Variants in ITSN2 observed in about 807,000 individuals in gnomAD.
ITSN2 encodes the protein intersectin 2.
ITSN2 carries 156 observed loss-of-function variants against 243.7 expected under a neutral mutation model. That is an observed-to-expected ratio of 0.64 (90% CI 0.56 to 0.73). The LOEUF (loss-of-function observed/expected upper bound fraction) is 0.73. ITSN2 is among the 30% of genes least tolerant of loss of function. The pLI is 0.00. For synonymous variants in ITSN2, 703 were observed against 699.9 expected (o/e 1.00, Z -0.07); for missense variants, 1,801 against 1,996.1 (o/e 0.90, Z 1.86).
chr2:24,252,266 TTGA>T (rs925039836), intron 25 of ITSN2, 76 bp downstream of exon 25: 5 of 1,028,940 alleles, frequency 4.9e-6, no homozygotes, highest in Non-Finnish European at 2.9e-6. Flanking sequence ...CAAGAATGGG[TTGA>T]TTTTATTTTT....
chr2:24,248,946 G>A, intron 25 of ITSN2, 64 bp from the exon 26 acceptor site: 2 of 1,461,260 alleles, frequency 1.4e-6, no homozygotes, highest in Non-Finnish European at 1.9e-6. Flanking sequence ...AAGTATAAAG[G>A]TTAATGGGAA....
In ITSN2 at chr2:24,225,161, C is replaced by G. The variant is rs1292057455; in HGVS notation, c.3578-4095G>C. ...CCTCTCCTCCAGGGCCCCTCCCTTT[C>G]CTTCACGCTTCTATGTTCACTCTTC... On this transcript the variant is annotated intron_variant, in intron 29 of 39. Coordinates refer to ENST00000355123, the MANE Select transcript of ITSN2 (RefSeq NM_006277.3). The surrounding 1 kb of genome is among the most constrained non-coding windows in gnomAD (Gnocchi z 4.2). Among the ~76,000 whole-genome samples, 4 of 152,164 alleles carry G rather than the reference C, an allele frequency of 2.6e-5. No individual in the cohort carries two copies. In the East Asian group the frequency reaches 7.7e-4, roughly 29 times the overall value.
At chr2:24,330,455 G>T in intron 1 of ITSN2, 1 of 647,578 alleles carries the variant, frequency 1.5e-6, no homozygotes, top group South Asian at 1.4e-5. Flanking sequence ...CCAAGGTGAA[G>T]AACGAACCAC....
At chr2:24,295,309 CGTTTT>C (rs573964982) in intron 14 of ITSN2, among the ~76,000 whole-genome samples, 4 of 152,100 alleles carry the variant, frequency 2.6e-5, no homozygotes, top group East Asian at 1.9e-4. Context: ...AGAACTGTTT[CGTTTT>C]GTTTTGTTTT....
At position 24,206,080 on chromosome 2, in the gene ITSN2, A is replaced by G. The variant is rs540606225; in HGVS notation, c.4679-783T>C. ...GGACGATGCACAGCAACATATGCAG[A>G]TGCTGATGGGAAGCAAAACTCAGGC... On this transcript the variant is annotated intron_variant, in intron 37 of 39. Transcript: ENST00000355123. Among the ~76,000 whole-genome samples, 8 of 152,336 alleles carry G rather than the reference A, an allele frequency of 5.3e-5. No homozygotes were observed. The South Asian group carries it at 1.7e-3, about 32-fold the overall frequency.
intron 23 of ITSN2, 130 bp downstream of exon 23, chr2:24,257,758 G>A (rs943746939): frequency 2.6e-6 from 2 of 776,498 alleles, no homozygotes; most frequent in Non-Finnish European, 4.2e-6. Flanking sequence ...CGGCCGGCCA[G>A]AATTACCTTT....
In ITSN2 at chr2:24,220,931, A is replaced by G; in HGVS notation, c.3699+14T>C. ...GCAGATACCCCGAGAGCTAGCCAGC[A>G]GCAGCCTCCTCACCTCGACGACGAG... On this transcript the variant is annotated intron_variant, in intron 30 of 39. Coordinates refer to ENST00000355123, the MANE Select transcript of ITSN2 (RefSeq NM_006277.3). 2 of 1,588,628 alleles carry G rather than the reference A, an allele frequency of 1.3e-6. No homozygotes were observed. The highest frequency in any genetic ancestry group is 2.3e-5 in the East Asian group (1 of 43,134).
At chr2:24,319,301 G>A (rs943325296) in intron 2 of ITSN2, among the ~76,000 whole-genome samples, 4 of 152,156 alleles carry the variant, frequency 2.6e-5, no homozygotes, top group East Asian at 1.9e-4. Flanking sequence ...AGGAAGAAAC[G>A]CCTTAGACCC....
At chr2:24,355,979 G>T (rs1039161809) in intron 1 of ITSN2, among the ~76,000 whole-genome samples, 1 of 152,128 alleles carries the variant, frequency 6.6e-6, no homozygotes, top group Non-Finnish European at 1.5e-5. Flanking sequence ...GAGGCGGGTG[G>T]ATCACCTGAG....
At position 24,251,019 on chromosome 2, in the gene ITSN2, G is replaced by A. The variant is rs186075340; in HGVS notation, c.3120+1326C>T. 7.3e-3 allele frequency among the ~76,000 whole-genome samples: 1,101 copies of A among 151,352 alleles called. 6 individuals carry two copies. The highest frequency in any genetic ancestry group is 0.026 in the African/African-American group (1,057 of 41,272). ...AGCCTGGCCAATATGGTGAAACCCC[G>A]TCTCTACTGAAAATACAAAAATTAG... On this transcript the variant is annotated intron_variant, in intron 25 of 39. Coordinates refer to ENST00000355123, the MANE Select transcript of ITSN2 (RefSeq NM_006277.3).
intron 20 of ITSN2, among the ~76,000 whole-genome samples, chr2:24,268,372 C>A (rs920841380): frequency 1.3e-5 from 2 of 152,174 alleles, no homozygotes; most frequent in African/African-American, 2.4e-5. Flanking sequence ...TTTCTTCCTG[C>A]CCTCTAATGA....
rs74559291 is a variant in ITSN2 at position 24,246,573 on chromosome 2, T to C, written c.3385+224A>G. Among the ~76,000 whole-genome samples, 1,118 of 152,298 alleles carry C rather than the reference T, an allele frequency of 7.3e-3. 8 individuals carry two copies. The highest frequency in any genetic ancestry group is 0.026 in the African/African-American group (1,076 of 41,570). ...AGTATGATGGTGTAACAATTTCACA[T>C]TGAAAGATTTCAAAGAGTCGAAGTG... On this transcript the variant is annotated intron_variant, in intron 28 of 39. Transcript: ENST00000355123.
intron 37 of ITSN2, 91 bp downstream of exon 37, chr2:24,208,146 G>A (rs771838822): frequency 2.9e-4 from 320 of 1,113,774 alleles, no homozygotes; most frequent in Non-Finnish European, 3.8e-4. Flanking sequence ...TTTCAGACCC[G>A]TCCCTATATC....
In ITSN2 at chr2:24,328,072, T is replaced by C. The variant is rs1211442144; in HGVS notation, c.11A>G (p.Gln4Arg). ...CTTACCATTCATAGCTGTGGGAAAC[T>C]GAGCCATCATGGTCCTGAGTTTTCC... The part of the protein sequence containing the change: MMA[Q>R]FPTAMNGGPN... Residue 4 changes from glutamine to arginine, a missense_variant, in exon 2 of 40, where the codon CAG becomes CGG. Physicochemically the swap from Gln to Arg is conservative, Grantham distance 43 (BLOSUM62 1). Transcript: ENST00000355123. 1 of 1,613,844 alleles carries C rather than the reference T, an allele frequency of 6.2e-7. No individual in the cohort carries two copies. The highest frequency in any genetic ancestry group is 1.1e-5 in the South Asian group (1 of 91,040).
chr2:24,224,624 A>G (rs570914103), intron 29 of ITSN2, among the ~76,000 whole-genome samples: 1 of 143,948 alleles, frequency 6.9e-6, no homozygotes, highest in Admixed American at 7.5e-5. Context: ...TTTCATCATG[A>G]CGGCTCTTCA....
intron 36 of ITSN2, among the ~76,000 whole-genome samples, chr2:24,208,623 G>C (rs992621463): frequency 2.0e-5 from 3 of 152,198 alleles, no homozygotes; most frequent in Non-Finnish European, 4.4e-5. Flanking sequence ...ACACAGAGGA[G>C]CAGCAGCACC....
chr2:24,348,882 T>A (rs1355830344), intron 1 of ITSN2, among the ~76,000 whole-genome samples: 1 of 152,218 alleles, frequency 6.6e-6, no homozygotes, highest in Admixed American at 6.5e-5. Flanking sequence ...ATACTTCAAT[T>A]ACTACAAATA....
chr2:24,223,876 A>AAAG (rs1553344580), intron 29 of ITSN2, among the ~76,000 whole-genome samples: 9 of 52,302 alleles, frequency 1.7e-4, no homozygotes, highest in African/African-American at 5.7e-4. Flanking sequence ...AGAAAGAAAA[A>AAAG]AAAGAAAGAA....
intron 1 of ITSN2, among the ~76,000 whole-genome samples, chr2:24,336,045 T>C (rs1439854046): frequency 6.6e-6 from 1 of 151,290 alleles, no homozygotes; most frequent in Non-Finnish European, 1.5e-5. Flanking sequence ...ATCGAGACCA[T>C]CCTGGCTAAC....
Sources: allele counts gnomAD v4.1 joint callset (sites outside exome capture counted in the v4.1 genomes callset), GRCh38; gene constraint gnomAD v4.1.1; non-coding constraint Gnocchi (gnomAD v3.1); transcripts MANE v1.5; gene names NCBI Gene and HGNC (gene_info 2026-07-23, HGNC 2026-07-21).